The following NIPBL variants were observed in gnomAD, a reference collection of about 807,000 sequenced individuals.
NIPBL encodes the protein nipped-B-like protein.
In NIPBL, 19 loss-of-function variants were observed where a neutral mutation model predicts 321.8. The ratio of observed to expected loss-of-function variants is 0.06; its 90% CI spans 0.04 to 0.09. NIPBL has a LOEUF of 0.09. Ranked by LOEUF, NIPBL falls within the 10% of genes least tolerant of loss-of-function variation. The probability of loss-of-function intolerance (pLI) is 1.00; values close to 1 mark genes in which losing one functional copy is unlikely to be tolerated. For synonymous variants in NIPBL, 1,106 were observed against 1,114.1 expected, an observed-to-expected ratio of 0.99 and a Z score of 0.14; for missense variants, 2,210 against 3,327.0, an observed-to-expected ratio of 0.66 and a Z score of 8.26.
rs2149688396 is a variant in NIPBL, at chr5:37,014,561, G to A, written c.4561-122G>A. 1.4e-5 allele frequency: 9 copies of A among 640,370 alleles called. No individual in the cohort carries two copies. In the South Asian group the frequency reaches 1.8e-4, roughly 13 times the overall value. The allele number at this position is 640,370 out of a possible 1,614,324, so 39.7% of individuals were successfully genotyped here. A position where few individuals can be genotyped will look rare whatever the true frequency, so the allele number is the denominator to read the frequency against. On this transcript the variant is annotated intron_variant, in intron 21 of 46. Coordinates refer to ENST00000282516, the MANE Select transcript of NIPBL (RefSeq NM_133433.4). ...TTTGGCTTCTCTTATTATATATAAT[G>A]TAATAGTTTAAGCATTTTAGTATTT...
Position 36,985,724 on chromosome 5 carries a change from C to T in NIPBL, c.2544C>T (p.Ser848=), listed in dbSNP as rs1465715499. The T allele has an allele frequency of 1.2e-6, 2 of 1,613,750 alleles. No homozygotes were observed. The highest frequency in any genetic ancestry group is 2.7e-5 in the African/African-American group (2 of 74,966). The change falls in exon 10 of 47, where the codon TCC becomes TCT. Residue 848 remains serine, a synonymous_variant. Coordinates refer to ENST00000282516, the MANE Select transcript of NIPBL (RefSeq NM_133433.4). Reference sequence around the variant, plus strand: ...TTCGAAGACCAGAAACATTGAGATCCTCTAGTAGAAATGAACATGGCATTA... The same window carrying T: ...TTCGAAGACCAGAAACATTGAGATCTTCTAGTAGAAATGAACATGGCATTA... ...SRVRRPETLR[S]SSRNEHGIKS...
At chr5:37,064,127 C>A in intron 46 of NIPBL, 149 bp downstream of exon 46, 2 of 1,433,432 alleles carry the variant, frequency 1.4e-6, no homozygotes, top group East Asian at 2.5e-5. Flanking sequence ...TCTACTTACC[C>A]GTTTATACAT....
At chr5:36,942,528 TC>T (rs1739214455) in intron 1 of NIPBL, among the ~76,000 whole-genome samples, 3 of 146,602 alleles carry the variant, frequency 2.0e-5, no homozygotes, top group African/African-American at 7.7e-5. Context: ...TCACTTGAGG[TC>T]AGGAGTTCGA....
At chr5:36,949,926 A>AT (rs1051359467) in intron 1 of NIPBL, among the ~76,000 whole-genome samples, 17 of 152,154 alleles carry the variant, frequency 1.1e-4, no homozygotes, top group African/African-American at 3.8e-4. Context: ...CTTCAGACTC[A>AT]TTAGAATGGA....
At chr5:37,045,387 T>G (rs1043999554) in intron 36 of NIPBL, 56 bp from the exon 37 acceptor site, 12 of 1,344,560 alleles carry the variant, frequency 8.9e-6, no homozygotes, top group Admixed American at 3.8e-5. Context: ...AGTAATTACT[T>G]GAACTTAGTA....
chr5:37,039,085 TAATA>T (rs749630442), intron 34 of NIPBL, among the ~76,000 whole-genome samples: 70 of 152,050 alleles, frequency 4.6e-4, no homozygotes, highest in Non-Finnish European at 7.7e-4. Flanking sequence ...ATTTATAATA[TAATA>T]AATATAAAAA....
chr5:37,052,095 A>G (rs908752787), intron 41 of NIPBL, among the ~76,000 whole-genome samples: 14 of 152,156 alleles, frequency 9.2e-5, no homozygotes, highest in African/African-American at 3.4e-4. Flanking sequence ...CAAGCACACC[A>G]GACTAAAAAT....
Position 36,976,053 on chromosome 5 carries a change from T to C in NIPBL, c.1146T>C (p.Asn382=), listed in dbSNP as rs1180054002. Residue 382 remains asparagine, a synonymous_variant, in exon 9 of 47, where the codon AAT becomes AAC. Transcript: ENST00000282516. ...QQEDMISGVE[N]SNVSENDIPF... ...AGGATATGATTTCTGGTGTGGAAAA[T>C]AGCAATGTTTCAGAAAATGATATTC... 7 of 1,613,862 alleles carry C rather than the reference T, an allele frequency of 4.3e-6. No homozygotes were observed. In the African/African-American group the frequency reaches 6.7e-5, roughly 15 times the overall value.
intron 3 of NIPBL, 125 bp from the exon 4 acceptor site, chr5:36,957,979 G>C: frequency 1.2e-6 from 1 of 802,250 alleles, no homozygotes; most frequent in Non-Finnish European, 1.9e-6. Flanking sequence ...GTGAGACTTC[G>C]TCTCAAAAAA....
chr5:36,995,918 A>T (rs1746091974), intron 11 of NIPBL, 114 bp downstream of exon 11: 1 of 876,582 alleles, frequency 1.1e-6, no homozygotes, highest in African/African-American at 1.7e-5. Flanking sequence ...AATTCTTAAT[A>T]ACACAGTATA....
chr5:36,961,748 A>T (rs1402934943), intron 5 of NIPBL, among the ~76,000 whole-genome samples, 165 bp downstream of exon 5: 1 of 152,184 alleles, frequency 6.6e-6, no homozygotes, highest in Non-Finnish European at 1.5e-5. Context: ...TTGTATATGG[A>T]AATAGTCTGA....
intron 1 of NIPBL, among the ~76,000 whole-genome samples, chr5:36,883,698 C>T (rs1745671921): frequency 6.6e-6 from 1 of 152,012 alleles, no homozygotes; most frequent in Non-Finnish European, 1.5e-5. Flanking sequence ...AACACTGCTA[C>T]TTGTCAACCC....
At chr5:37,024,039 C>T (rs914946746) in intron 29 of NIPBL, among the ~76,000 whole-genome samples, 5 of 151,884 alleles carry the variant, frequency 3.3e-5, no homozygotes, top group African/African-American at 4.8e-5. Context: ...GTGGTATGCA[C>T]CTGTAATCCC....
intron 27 of NIPBL, 107 bp downstream of exon 27, chr5:37,020,984 A>G: frequency 1.2e-6 from 1 of 866,810 alleles, no homozygotes. Context: ...TACTTAAAAG[A>G]TCATAGATGT....
Position 36,995,750 on chromosome 5 carries a change from A to C in NIPBL, c.3250A>C (p.Lys1084Gln), listed in dbSNP as rs1242267897. The change falls in exon 11 of 47, where the codon AAA (lysine) becomes CAA (glutamine). Residue 1084 changes from lysine (K) to glutamine (Q), a missense_variant. By Grantham distance (53) the Lys-to-Gln change is moderately conservative. Transcript: ENST00000282516. The part of the protein sequence containing the change: ...RKRSTVNEKP[K>Q]YAEISSDEDN... ...GCGTAGCACAGTTAATGAAAAGCCA[A>C]AATATGCTGAAATCAGTTCAGATGA... 1.9e-6 allele frequency: 3 copies of C among 1,613,786 alleles called. No individual in the cohort carries two copies.
At chr5:37,014,853 C>T in intron 22 of NIPBL, 88 bp downstream of exon 22, 1 of 814,394 alleles carries the variant, frequency 1.2e-6, no homozygotes, top group Non-Finnish European at 2.1e-6. Context: ...CAATTTCCTG[C>T]CATAATCTGA....
At chr5:37,017,329 A>C (rs1749104568) in intron 24 of NIPBL, among the ~76,000 whole-genome samples, 167 bp downstream of exon 24, 1 of 152,158 alleles carries the variant, frequency 6.6e-6, no homozygotes, top group Non-Finnish European at 1.5e-5. Context: ...CTGAGAATGA[A>C]TTATTTAGTC....
chr5:37,017,440 TTTTA>T (rs1303797729), intron 24 of NIPBL, among the ~76,000 whole-genome samples: 5 of 152,112 alleles, frequency 3.3e-5, no homozygotes, highest in Admixed American at 3.3e-4. Flanking sequence ...TTAACATAAA[TTTTA>T]TTTAAGTTTT....
intron 1 of NIPBL, among the ~76,000 whole-genome samples, chr5:36,921,753 G>A (rs1561388760): frequency 1.3e-5 from 2 of 152,130 alleles, no homozygotes; most frequent in Admixed American, 6.6e-5. Context: ...AGAATTGATT[G>A]TTGCTTAAAA....
Sources: gnomAD v4.1 joint callset for allele counts (sites outside exome capture counted in the v4.1 genomes callset) on GRCh38, gnomAD v4.1.1 for gene constraint, MANE v1.5 for transcripts, NCBI Gene and HGNC (gene_info 2026-07-23, HGNC 2026-07-21) for gene names.